KCNQ3: variants seen among roughly 807,000 people sequenced by gnomAD.
KCNQ3 encodes the protein potassium voltage-gated channel subfamily KQT member 3.
KCNQ3 carries 30 observed loss-of-function variants against 92.5 expected under a neutral mutation model. That is an observed-to-expected ratio of 0.32 (90% CI 0.24 to 0.44). The LOEUF is 0.44. Ranked by LOEUF, KCNQ3 falls within the 20% of genes least tolerant of loss-of-function variation. The pLI, the probability that KCNQ3 is intolerant of heterozygous loss-of-function variation, is 1.00. For missense variants in KCNQ3, 913 were observed against 1,140.3 expected, an observed-to-expected ratio of 0.80 and a Z score of 2.87; for synonymous variants, 450 against 468.8, an observed-to-expected ratio of 0.96 and a Z score of 0.52.
chr8:132,460,509 T>C (rs1822037683), intron 1 of KCNQ3, among the ~76,000 whole-genome samples: 1 of 152,106 alleles, frequency 6.6e-6, no homozygotes, highest in Non-Finnish European at 1.5e-5. Context: ...AGTACACAAG[T>C]ATAACAGTAT....
At position 132,357,866 on chromosome 8, in the gene KCNQ3, C is replaced by T. The variant is rs1819059195; in HGVS notation, c.386+122281G>A. On this transcript the variant is annotated intron_variant, in intron 1 of 14. Coordinates refer to ENST00000388996, the MANE Select transcript of KCNQ3 (RefSeq NM_004519.4). ...CTTCCCCTTGCACTCCAATGAGTCA[C>T]CTGCCATTCCTTACTCATGTCCTTC... Among the ~76,000 whole-genome samples, 4 of 152,348 alleles carry T rather than the reference C, an allele frequency of 2.6e-5. No homozygotes were observed. The Middle Eastern group carries it at 0.01, about 389-fold the overall frequency.
intron 1 of KCNQ3, among the ~76,000 whole-genome samples, chr8:132,346,602 C>T (rs1266395301): frequency 6.6e-6 from 1 of 152,208 alleles, no homozygotes; most frequent in Non-Finnish European, 1.5e-5. Context: ...AATATAGATG[C>T]TTACTATATT....
chr8:132,300,081 C>T (rs772915893), intron 1 of KCNQ3, among the ~76,000 whole-genome samples: 10 of 152,300 alleles, frequency 6.6e-5, no homozygotes, highest in African/African-American at 9.6e-5. Flanking sequence ...TCATCTTTGT[C>T]TCCAATAACA....
chr8:132,315,150 G>C (rs1817704592), intron 1 of KCNQ3, among the ~76,000 whole-genome samples: 1 of 152,206 alleles, frequency 6.6e-6, no homozygotes, highest in South Asian at 2.1e-4. Context: ...TGGGAGAAAT[G>C]AGAAATTGAA....
chr8:132,416,234 T>C (rs549427746), intron 1 of KCNQ3, among the ~76,000 whole-genome samples: 1 of 152,246 alleles, frequency 6.6e-6, no homozygotes, highest in Non-Finnish European at 1.5e-5. Context: ...AAGACGGTAT[T>C]TCTCTAAACA....
intron 1 of KCNQ3, among the ~76,000 whole-genome samples, chr8:132,223,150 T>C (rs927583138): frequency 2.7e-5 from 4 of 150,738 alleles, no homozygotes; most frequent in Non-Finnish European, 5.9e-5. Flanking sequence ...TTTCTCCTCA[T>C]GAAAGGAAGG....
At chr8:132,380,496 C>A (rs1819718409) in intron 1 of KCNQ3, among the ~76,000 whole-genome samples, 1 of 152,130 alleles carries the variant, frequency 6.6e-6, no homozygotes, top group Admixed American at 6.5e-5. Context: ...GACTAAGAAG[C>A]CTGCCTTGCC....
rs1826848068 is a variant in KCNQ3 at position 132,183,195 on chromosome 8, A to G, written c.604+1046T>C. Among the ~76,000 whole-genome samples, 3 of 152,204 alleles carry G rather than the reference A, an allele frequency of 2.0e-5. No homozygotes were observed. In the South Asian group the frequency reaches 6.2e-4, roughly 32 times the overall value. On this transcript the variant is annotated intron_variant, in intron 3 of 14. Transcript: ENST00000388996. ...GCATGCTCAGAGGAGAGGGAGTATG[A>G]TGCTGAGAATGCGTGATGTAAGGTA...
At chr8:132,180,394 G>A (rs752656685) in intron 3 of KCNQ3, 65 bp from the exon 4 acceptor site, 107 of 1,556,976 alleles carry the variant, frequency 6.9e-5, no homozygotes, top group South Asian at 1.3e-4. Flanking sequence ...AAGCAATGGC[G>A]TCATCATAGG....
At chr8:132,302,151 T>G (rs1042024663) in intron 1 of KCNQ3, among the ~76,000 whole-genome samples, 1 of 152,014 alleles carries the variant, frequency 6.6e-6, no homozygotes, top group Admixed American at 6.5e-5. Context: ...AGTCCACAAG[T>G]GGCAAGTGGG....
chr8:132,466,469 C>A (rs546193455), intron 1 of KCNQ3, among the ~76,000 whole-genome samples: 1 of 152,128 alleles, frequency 6.6e-6, no homozygotes, highest in African/African-American at 2.4e-5. Context: ...ATTTCTCTGC[C>A]CCCAGGAGCA....
chr8:132,446,849 C>G (rs1437867974), intron 1 of KCNQ3, among the ~76,000 whole-genome samples: 1 of 152,168 alleles, frequency 6.6e-6, no homozygotes, highest in African/African-American at 2.4e-5. Flanking sequence ...AAACAGAAAT[C>G]AGGCTTAATA....
At chr8:132,401,497 C>A (rs1478665904) in intron 1 of KCNQ3, among the ~76,000 whole-genome samples, 1 of 152,018 alleles carries the variant, frequency 6.6e-6, no homozygotes, top group African/African-American at 2.4e-5. Flanking sequence ...TGCCTCAGAC[C>A]CCCAAGTAGC....
At chr8:132,211,479 C>T (rs1813850505) in intron 1 of KCNQ3, among the ~76,000 whole-genome samples, 1 of 152,132 alleles carries the variant, frequency 6.6e-6, no homozygotes, top group Admixed American at 6.5e-5. Context: ...TCAGAATTGG[C>T]TCCATTTGCC....
chr8:132,264,199 TC>T (rs1418623421), intron 1 of KCNQ3, among the ~76,000 whole-genome samples: 55 of 152,276 alleles, frequency 3.6e-4, no homozygotes, highest in Non-Finnish European at 6.6e-4. Flanking sequence ...TTCATTTTAG[TC>T]TTCAGATCTC....
chr8:132,141,680 G>T (rs1825302119), intron 9 of KCNQ3, among the ~76,000 whole-genome samples: 1 of 152,006 alleles, frequency 6.6e-6, no homozygotes, highest in Non-Finnish European at 1.5e-5. Flanking sequence ...ATAACTTCCT[G>T]CCTTTCCTGT....
At chr8:132,456,139 A>T (rs1477032376) in intron 1 of KCNQ3, among the ~76,000 whole-genome samples, 1 of 151,712 alleles carries the variant, frequency 6.6e-6, no homozygotes, top group East Asian at 1.9e-4. Flanking sequence ...TGAAATTCAG[A>T]CTCCCCATAG....
At chr8:132,342,054 T>C (rs1165612643) in intron 1 of KCNQ3, among the ~76,000 whole-genome samples, 1 of 152,324 alleles carries the variant, frequency 6.6e-6, no homozygotes, top group Non-Finnish European at 1.5e-5. Context: ...CCACTGGGTA[T>C]TGATCCATCA....
At chr8:132,193,728 AG>A (rs1827227448) in intron 1 of KCNQ3, among the ~76,000 whole-genome samples, 2 of 152,208 alleles carry the variant, frequency 1.3e-5, no homozygotes, top group Non-Finnish European at 2.9e-5. Flanking sequence ...ACTGCGAGGA[AG>A]GGGACTATCA....
Sources: gnomAD v4.1 joint callset for allele counts (sites outside exome capture counted in the v4.1 genomes callset) on GRCh38, gnomAD v4.1.1 for gene constraint, MANE v1.5 for transcripts, NCBI Gene and HGNC (gene_info 2026-07-23, HGNC 2026-07-21) for gene names.